SNRPN: variants seen among roughly 807,000 people sequenced by gnomAD.
SNRPN encodes the protein small nuclear ribonucleoprotein polypeptide N.
SNRPN carries 7 observed loss-of-function variants against 25.2 expected under a neutral mutation model. The ratio of observed to expected loss-of-function variants is 0.28; its 90% CI spans 0.16 to 0.52. SNRPN has a LOEUF of 0.52. Among genes scored for constraint, SNRPN ranks in the 20% least tolerant of loss-of-function variants. The pLI is 0.96. For synonymous variants in SNRPN, 124 were observed against 110.6 expected (o/e 1.12, Z -0.76); for missense variants, 196 against 322.5 (o/e 0.61, Z 3.00).
At chr15:24,933,516 G>A (rs1383200871) in intron 3 of SNRPN, among the ~76,000 whole-genome samples, 1 of 152,138 alleles carries the variant, frequency 6.6e-6, no homozygotes, top group Non-Finnish European at 1.5e-5. Flanking sequence ...GGTGGCTCAT[G>A]CCTGTAATCC....
chr15:24,957,523 G>A (rs181962060), intron 1 of SNRPN, among the ~76,000 whole-genome samples: 27 of 152,166 alleles, frequency 1.8e-4, no homozygotes, highest in Non-Finnish European at 2.9e-4. Context: ...TTATTCTAAG[G>A]ATTTTGTCTT....
intron 1 of SNRPN, among the ~76,000 whole-genome samples, chr15:24,881,378 A>C (rs1211983273): frequency 2.6e-5 from 4 of 151,214 alleles, no homozygotes; most frequent in Non-Finnish European, 4.4e-5. Context: ...CAAAAAAAAA[A>C]CAATGAGCTG....
In SNRPN at chr15:24,978,549, G is replaced by A. The variant is rs1257938183; in HGVS notation, c.*105G>A. 9.9e-7 allele frequency: 1 copy of A among 1,011,134 alleles called. No individual in the cohort carries two copies. Among genetic ancestry groups the A allele is most frequent in the African/African-American group, 1.6e-5 (1 of 62,710 alleles). 62.6% of individuals were successfully genotyped at this position (1,011,134 alleles called of 1,614,324 possible). Reference sequence around the variant, plus strand: ...GTTCCCTCATTCTGCATTAATAATAGCTAATAATAAATGCATAGAGCAATT... The same window carrying A: ...GTTCCCTCATTCTGCATTAATAATAACTAATAATAAATGCATAGAGCAATT... On this transcript the variant is annotated 3_prime_UTR_variant, in exon 10 of 10. Transcript: ENST00000390687.
intron 2 of SNRPN, among the ~76,000 whole-genome samples, chr15:24,902,598 G>A (rs2058533280): frequency 6.6e-6 from 1 of 152,138 alleles, no homozygotes; most frequent in Admixed American, 6.6e-5. Context: ...TCCAGAGTTT[G>A]TTCCTTCAGA....
intron 1 of SNRPN, among the ~76,000 whole-genome samples, chr15:24,825,962 A>G (rs777832517): frequency 1.3e-5 from 2 of 152,058 alleles, no homozygotes; most frequent in Non-Finnish European, 2.9e-5. Flanking sequence ...GGTTTGGGTC[A>G]AGGGGGAGGG....
chr15:24,930,900 G>GA (rs997199848), intron 3 of SNRPN, among the ~76,000 whole-genome samples: 1,301 of 125,818 alleles, frequency 0.01, 15 homozygotes, highest in Middle Eastern at 0.019. Context: ...GTCTGTCTCA[G>GA]AAAAAAAAAA....
At chr15:24,949,307 C>A (rs1260296470) in intron 3 of SNRPN, among the ~76,000 whole-genome samples, 2 of 152,184 alleles carry the variant, frequency 1.3e-5, no homozygotes, top group African/African-American at 2.4e-5. Flanking sequence ...CAGGCGTGAG[C>A]CACCACACTT....
At chr15:24,955,147 T>C in intron 1 of SNRPN, 85 bp downstream of exon 1, 1 of 1,575,684 alleles carries the variant, frequency 6.3e-7, no homozygotes, top group Non-Finnish European at 8.7e-7. Context: ...TTTTAGGACT[T>C]GGAGTACTGA....
intron 2 of SNRPN, among the ~76,000 whole-genome samples, chr15:24,965,125 T>C (rs2075420770): frequency 6.6e-6 from 1 of 152,182 alleles, no homozygotes; most frequent in Non-Finnish European, 1.5e-5. Context: ...TTGGTATACT[T>C]AGAATGTTAT....
rs747719993 is a variant in SNRPN, at chr15:24,968,044, A to G, written c.-182A>G. Reference sequence around the variant, plus strand: ...GACACCAAGAGGTGGTTAAAGCCATATTGGAGTAGCGAGGAATCTGATTCC... The same window carrying G: ...GACACCAAGAGGTGGTTAAAGCCATGTTGGAGTAGCGAGGAATCTGATTCC... On this transcript the variant is annotated 5_prime_UTR_variant, in exon 3 of 10. The change creates a new upstream start codon in the 5' untranslated region. Coordinates refer to ENST00000390687, the MANE Select transcript of SNRPN (RefSeq NM_003097.6). 4 of 1,613,108 alleles carry G rather than the reference A, an allele frequency of 2.5e-6. No individual in the cohort carries two copies. In the South Asian group the frequency reaches 3.3e-5, roughly 13 times the overall value.
chr15:24,975,568 G>C, intron 5 of SNRPN, 59 bp downstream of exon 5: 3 of 1,436,964 alleles, frequency 2.1e-6, no homozygotes, highest in Non-Finnish European at 2.9e-6. Flanking sequence ...GGGAAGGCCA[G>C]AGCTGGAGTA....
intron 2 of SNRPN, among the ~76,000 whole-genome samples, chr15:24,965,276 G>A (rs1030500901): frequency 1.8e-4 from 27 of 152,110 alleles, no homozygotes; most frequent in African/African-American, 5.8e-4. Flanking sequence ...GGTGGCTCAC[G>A]CCTGTAATCC....
intron 3 of SNRPN, among the ~76,000 whole-genome samples, chr15:24,940,604 A>C (rs760354199): frequency 1.3e-5 from 2 of 152,072 alleles, no homozygotes; most frequent in Non-Finnish European, 2.9e-5. Context: ...TTTACATTTC[A>C]GAATCAGTAT....
rs1257439066 is a variant in SNRPN at position 24,962,156 on chromosome 15, A to T, written c.-348A>T. 6.2e-7 allele frequency: 1 copy of T among 1,614,072 alleles called. No homozygotes were observed. Among genetic ancestry groups the T allele is most frequent in the African/African-American group, 1.3e-5 (1 of 74,946 alleles). On this transcript the variant is annotated 5_prime_UTR_variant, in exon 2 of 10. Transcript: ENST00000390687. The stretch of plus-strand genomic sequence containing the variant: ...GACGAACTACAGAACAGCACGTACC[A>T]GAGGTGGAAGTCCAAGTCAAACGCA...
chr15:24,852,176 G>A (rs2052916058), upstream of SNRPN: 1 of 152,084 alleles, frequency 6.6e-6, no homozygotes, highest in Non-Finnish European at 1.5e-5. Flanking sequence ...GTATGCTTGG[G>A]GTGTTGTGTT....
At chr15:24,835,334 T>A (rs898103459) in intron 2 of SNRPN, among the ~76,000 whole-genome samples, 53 of 151,788 alleles carry the variant, frequency 3.5e-4, no homozygotes, top group Non-Finnish European at 1.0e-4. Context: ...ATGTGCATTG[T>A]CACATTTTGT....
At chr15:24,876,363 A>G (rs2055877348) in intron 1 of SNRPN, among the ~76,000 whole-genome samples, 1 of 151,590 alleles carries the variant, frequency 6.6e-6, no homozygotes, top group Admixed American at 6.6e-5. Flanking sequence ...CATGCCTTTA[A>G]TCTCAACACT....
intron 2 of SNRPN, among the ~76,000 whole-genome samples, chr15:24,912,090 C>T: frequency 6.6e-6 from 1 of 152,106 alleles, no homozygotes; most frequent in East Asian, 1.9e-4. Context: ...TTTTGTTGGC[C>T]TTGTTGGGTT....
intron 2 of SNRPN, among the ~76,000 whole-genome samples, chr15:24,899,823 C>CACT (rs1167963831): frequency 6.6e-6 from 1 of 152,172 alleles, no homozygotes; most frequent in African/African-American, 2.4e-5. Context: ...AATAAATGTC[C>CACT]ACTTCAAACA....
Sources: allele counts gnomAD v4.1 joint callset (sites outside exome capture counted in the v4.1 genomes callset), GRCh38; gene constraint gnomAD v4.1.1; transcripts MANE v1.5; gene names NCBI Gene and HGNC (gene_info 2026-07-23, HGNC 2026-07-21).